The following KCNMA1 variants were observed in gnomAD, a reference collection of about 807,000 sequenced individuals.
KCNMA1 encodes Calcium-activated potassium channel subunit alpha-1.
KCNMA1 carries 29 observed loss-of-function variants against 140.0 expected under a neutral mutation model. The observed-to-expected ratio is 0.21, with a 90% CI of 0.15 to 0.28. The LOEUF (loss-of-function observed/expected upper bound fraction) is 0.28, where lower values mean the gene tolerates loss of function less well. Ranked by LOEUF, KCNMA1 falls within the 10% of genes least tolerant of loss-of-function variation. KCNMA1 has a pLI of 1.00. For missense variants in KCNMA1, 880 were observed against 1,602.2 expected (o/e 0.55, Z 7.70); for synonymous variants, 612 against 611.9 (o/e 1.00, Z 0.00).
chr10:77,512,868 C>G (rs114036561), intron 1 of KCNMA1, among the ~76,000 whole-genome samples: 3 of 152,156 alleles, frequency 2.0e-5, no homozygotes, highest in Non-Finnish European at 4.4e-5. Flanking sequence ...AGCCTTAAGT[C>G]CAAGCCACCG....
intron 14 of KCNMA1, among the ~76,000 whole-genome samples, chr10:77,068,225 T>C (rs2096035419): frequency 6.6e-6 from 1 of 152,236 alleles, no homozygotes; most frequent in Non-Finnish European, 1.5e-5. Context: ...ATATTGCAGC[T>C]AAAGCACTTA....
intron 19 of KCNMA1, 127 bp downstream of exon 19, chr10:77,001,280 C>G: frequency 1.2e-6 from 1 of 845,880 alleles, no homozygotes; most frequent in South Asian, 1.6e-5. Context: ...CATGTCAGCA[C>G]ACAGGAGTTC....
chr10:77,484,053 T>C (rs2098434578), intron 1 of KCNMA1, among the ~76,000 whole-genome samples: 1 of 152,214 alleles, frequency 6.6e-6, no homozygotes, highest in Non-Finnish European at 1.5e-5. Context: ...TCACCTACGG[T>C]GCAAAGGCTC....
intron 1 of KCNMA1, among the ~76,000 whole-genome samples, chr10:77,593,231 T>A (rs2079773813): frequency 6.6e-6 from 1 of 152,116 alleles, no homozygotes; most frequent in African/African-American, 2.4e-5. Context: ...CAGGGAACCA[T>A]AATCCAAAGT....
At chr10:77,370,869 G>A (rs1211245581) in intron 2 of KCNMA1, among the ~76,000 whole-genome samples, 1 of 152,126 alleles carries the variant, frequency 6.6e-6, no homozygotes, top group African/African-American at 2.4e-5. Context: ...TACTTCACAG[G>A]GTTGTTTGGA....
At chr10:77,042,314 T>C (rs573723443) in intron 14 of KCNMA1, among the ~76,000 whole-genome samples, 14 of 152,356 alleles carry the variant, frequency 9.2e-5, no homozygotes, top group African/African-American at 2.9e-4. Flanking sequence ...ATAAAAGATA[T>C]GCTTGACTTA....
At chr10:77,137,835 G>A (rs2098080962) in intron 5 of KCNMA1, among the ~76,000 whole-genome samples, 1 of 152,132 alleles carries the variant, frequency 6.6e-6, no homozygotes, top group African/African-American at 2.4e-5. Flanking sequence ...ATGCTGGAGT[G>A]CAGTGGCACG....
intron 3 of KCNMA1, among the ~76,000 whole-genome samples, chr10:77,231,518 C>T (rs537410341): frequency 4.6e-4 from 70 of 152,202 alleles, no homozygotes; most frequent in African/African-American, 1.6e-3. Context: ...TTTAGGTTTG[C>T]CACTAATCCT....
In KCNMA1 at chr10:77,236,150, C is replaced by T. The variant is rs568007613; in HGVS notation, c.602+15045G>A. ...AAAACTTTGAACTCCGAGGCCCGGG[C>T]GAACTTTCTCGATTGACAGTACTCC... On this transcript the variant is annotated intron_variant, in intron 3 of 27. Transcript: ENST00000286628. Among the ~76,000 whole-genome samples, 23 of 152,214 alleles carry T rather than the reference C, an allele frequency of 1.5e-4. No individual in the cohort carries two copies. In the South Asian group the frequency reaches 4.1e-3, roughly 27 times the overall value.
At chr10:77,462,552 AAC>A (rs1409728478) in intron 1 of KCNMA1, among the ~76,000 whole-genome samples, 3 of 152,220 alleles carry the variant, frequency 2.0e-5, no homozygotes, top group East Asian at 1.9e-4. Context: ...CACATGGATA[AAC>A]ACACACACCC....
intron 23 of KCNMA1, among the ~76,000 whole-genome samples, chr10:76,926,982 T>C (rs1233926681): frequency 6.6e-6 from 1 of 152,194 alleles, no homozygotes; most frequent in Non-Finnish European, 1.5e-5. Flanking sequence ...AGTCAAATCA[T>C]TCATTTGCTG....
At chr10:77,367,680 A>G (rs941798773) in intron 2 of KCNMA1, among the ~76,000 whole-genome samples, 1 of 152,206 alleles carries the variant, frequency 6.6e-6, no homozygotes, top group Admixed American at 6.5e-5. Flanking sequence ...CTGCCCCAAA[A>G]ACTATCTTGC....
downstream of KCNMA1, among the ~76,000 whole-genome samples, chr10:76,883,237 T>G: frequency 6.6e-6 from 1 of 152,186 alleles, no homozygotes; most frequent in East Asian, 1.9e-4. Flanking sequence ...CACTCATATT[T>G]TTTTAAAAAA....
At chr10:77,211,134 CAAAAAA>C (rs1054747936) in intron 3 of KCNMA1, among the ~76,000 whole-genome samples, 2 of 151,764 alleles carry the variant, frequency 1.3e-5, no homozygotes, top group African/African-American at 2.4e-5. Flanking sequence ...AAAACAAAAA[CAAAAAA>C]ACAAAGCTGG....
At chr10:77,043,101 A>C in intron 14 of KCNMA1, among the ~76,000 whole-genome samples, 1 of 152,234 alleles carries the variant, frequency 6.6e-6, no homozygotes, top group Non-Finnish European at 1.5e-5. Context: ...TATAACTGGA[A>C]AAAAGTACAG....
chr10:76,934,415 G>A (rs1451750249), intron 23 of KCNMA1, among the ~76,000 whole-genome samples: 1 of 152,214 alleles, frequency 6.6e-6, no homozygotes, highest in Non-Finnish European at 1.5e-5. Context: ...TGAATAGCTG[G>A]CTAGATTTAT....
At chr10:77,361,246 T>C (rs771130191) in intron 2 of KCNMA1, among the ~76,000 whole-genome samples, 7 of 152,226 alleles carry the variant, frequency 4.6e-5, no homozygotes, top group Non-Finnish European at 7.3e-5. Flanking sequence ...ATCATGATCG[T>C]CATCGTCATC....
chr10:76,912,373 T>G (rs2050705141), intron 24 of KCNMA1: 1 of 152,218 alleles, frequency 6.6e-6, no homozygotes, highest in Non-Finnish European at 1.5e-5. Context: ...TGTGTGGCCT[T>G]GGTGCCCTCT....
At chr10:77,419,870 G>T (rs1278743925) in intron 1 of KCNMA1, among the ~76,000 whole-genome samples, 1 of 152,208 alleles carries the variant, frequency 6.6e-6, no homozygotes, top group African/African-American at 2.4e-5. Flanking sequence ...ATTGGTCCCA[G>T]TGGCCAAAGC....
Sources: gnomAD v4.1 joint callset for allele counts (sites outside exome capture counted in the v4.1 genomes callset) on GRCh38, gnomAD v4.1.1 for gene constraint, MANE v1.5 for transcripts, NCBI Gene and HGNC (gene_info 2026-07-23, HGNC 2026-07-21) for gene names.